Variants in FHIT observed in about 807,000 individuals in gnomAD.
FHIT encodes the protein fragile histidine triad diadenosine triphosphatase, also known as bis(5'-adenosyl)-triphosphatase.
Under a neutral mutation model 17.9 loss-of-function variants are expected in FHIT, and 19 were observed. That is an observed-to-expected ratio of 1.06 (90% CI 0.74 to 1.56). The LOEUF (loss-of-function observed/expected upper bound fraction) is 1.56. Among genes scored for constraint, FHIT ranks in the 40% most tolerant of loss-of-function variants. FHIT has a pLI of 0.00. For synonymous variants in FHIT, 81 were observed against 69.7 expected (o/e 1.16, Z -0.81); for missense variants, 248 against 189.2 (o/e 1.31, Z -1.82).
chr3:60,544,901 T>C (rs928274683), intron 4 of FHIT, among the ~76,000 whole-genome samples: 3 of 152,188 alleles, frequency 2.0e-5, no homozygotes, highest in Non-Finnish European at 4.4e-5. Context: ...TCAGCCAACT[T>C]ATCTAGTTTT....
chr3:60,365,946 G>T (rs1296309204), intron 5 of FHIT, among the ~76,000 whole-genome samples: 1 of 152,128 alleles, frequency 6.6e-6, no homozygotes, highest in East Asian at 1.9e-4. Context: ...CCTCTTTGAA[G>T]CATACTTAGT....
chr3:60,620,830 C>G (rs181139258), intron 4 of FHIT, among the ~76,000 whole-genome samples: 1 of 152,178 alleles, frequency 6.6e-6, no homozygotes, highest in Non-Finnish European at 1.5e-5. Flanking sequence ...TCAAAATTGG[C>G]TCATCAAATG....
intron 3 of FHIT, among the ~76,000 whole-genome samples, chr3:60,947,588 A>G (rs1281541924): frequency 1.3e-5 from 2 of 152,224 alleles, no homozygotes; most frequent in Non-Finnish European, 2.9e-5. Flanking sequence ...TCACAAGTCT[A>G]CAATTTGCGG....
intron 5 of FHIT, among the ~76,000 whole-genome samples, chr3:60,315,407 T>C (rs1314394947): frequency 6.6e-6 from 1 of 152,110 alleles, no homozygotes; most frequent in African/African-American, 2.4e-5. Context: ...TCCAGAAGCC[T>C]CTCTCTGACC....
intron 3 of FHIT, among the ~76,000 whole-genome samples, chr3:60,990,776 G>A (rs2030130530): frequency 6.6e-6 from 1 of 152,106 alleles, no homozygotes; most frequent in Admixed American, 6.5e-5. Context: ...TTTATTATAT[G>A]AAATTTGGAC....
chr3:60,262,781 A>T (rs1348117129), intron 5 of FHIT, among the ~76,000 whole-genome samples: 2 of 151,860 alleles, frequency 1.3e-5, no homozygotes, highest in Non-Finnish European at 2.9e-5. Context: ...TTACCTAAAG[A>T]GTTAACCAAA....
At chr3:60,428,960 T>G (rs1299635224) in intron 5 of FHIT, among the ~76,000 whole-genome samples, 1 of 152,110 alleles carries the variant, frequency 6.6e-6, no homozygotes, top group Non-Finnish European at 1.5e-5. Context: ...TTACTCTGCT[T>G]GGCCTTAAGG....
rs1397478246 is a variant in FHIT, at chr3:59,749,084, T to G, written c.*501A>C. ...ACCTTCAGATTAACAATTTTTAAAG[T>G]CTAGCTATGTCCAAATATTTCATAA... is the stretch of plus-strand genomic sequence containing the variant. On this transcript the variant is annotated 3_prime_UTR_variant, in exon 10 of 10. Transcript: ENST00000492590. Among the ~76,000 whole-genome samples, 8 of 152,122 alleles carry G rather than the reference T, an allele frequency of 5.3e-5. No individual in the cohort carries two copies. The highest frequency in any genetic ancestry group is 7.4e-5 in the Non-Finnish European group (5 of 68,014).
At chr3:60,924,560 G>A (rs1381867561) in intron 3 of FHIT, among the ~76,000 whole-genome samples, 3 of 152,084 alleles carry the variant, frequency 2.0e-5, no homozygotes, top group Non-Finnish European at 2.9e-5. Flanking sequence ...CCATCTGTAC[G>A]TCACCATCAT....
intron 4 of FHIT, among the ~76,000 whole-genome samples, chr3:60,543,923 T>TTTTTTTTC (rs2036273314): frequency 7.3e-6 from 1 of 137,398 alleles, no homozygotes; most frequent in Non-Finnish European, 1.6e-5. Context: ...TTTTTTTTTT[T>TTTTTTTTC]TTTTTTTTGT....
chr3:60,170,060 G>A (rs1701349774), intron 5 of FHIT, among the ~76,000 whole-genome samples: 1 of 152,100 alleles, frequency 6.6e-6, no homozygotes, highest in South Asian at 2.1e-4. Flanking sequence ...TCACATGATT[G>A]GAGAAGGCGC....
intron 4 of FHIT, chr3:60,730,628 A>T (rs1461994996): frequency 6.5e-6 from 1 of 153,026 alleles, no homozygotes; most frequent in African/African-American, 2.4e-5. Context: ...ACAGCAGCTC[A>T]GCGAGCGTCA....
intron 2 of FHIT, among the ~76,000 whole-genome samples, chr3:61,079,135 C>A (rs2035056098): frequency 6.6e-6 from 1 of 152,158 alleles, no homozygotes; most frequent in African/African-American, 2.4e-5. Context: ...CATAATTTAT[C>A]CTTGTGACAT....
intron 1 of FHIT, among the ~76,000 whole-genome samples, chr3:61,232,152 G>C (rs576887965): frequency 6.6e-6 from 1 of 152,340 alleles, no homozygotes. Context: ...GAGAAGCCAA[G>C]GCTGGTGGAT....
chr3:60,323,648 T>C (rs1422524664), intron 5 of FHIT, among the ~76,000 whole-genome samples: 1 of 152,250 alleles, frequency 6.6e-6, no homozygotes, highest in African/African-American at 2.4e-5. Context: ...GTGCCTCCTG[T>C]ACTATCATTC....
At chr3:60,393,408 CATATATA>C (rs1278345737) in intron 5 of FHIT, among the ~76,000 whole-genome samples, 2 of 149,260 alleles carry the variant, frequency 1.3e-5, no homozygotes, top group South Asian at 2.1e-4. Context: ...TATAATGTTA[CATATATA>C]ATATATAATT....
intron 4 of FHIT, among the ~76,000 whole-genome samples, chr3:60,569,104 T>C (rs1277250029): frequency 6.6e-6 from 1 of 152,112 alleles, no homozygotes; most frequent in African/African-American, 2.4e-5. Flanking sequence ...ATTTTCCTAT[T>C]ACAGTTTAAG....
intron 2 of FHIT, among the ~76,000 whole-genome samples, chr3:61,098,803 A>G (rs2035724095): frequency 6.6e-6 from 1 of 152,230 alleles, no homozygotes; most frequent in African/African-American, 2.4e-5. Flanking sequence ...TGGATTTTGC[A>G]TCCTGAGACT....
At chr3:60,398,668 C>A (rs571054645) in intron 5 of FHIT, among the ~76,000 whole-genome samples, 2 of 152,184 alleles carry the variant, frequency 1.3e-5, no homozygotes, top group South Asian at 2.1e-4. Flanking sequence ...TAGGGTGATA[C>A]TTAGTAAATT....
Sources: gnomAD v4.1 joint callset for allele counts (sites outside exome capture counted in the v4.1 genomes callset) on GRCh38, gnomAD v4.1.1 for gene constraint, MANE v1.5 for transcripts, NCBI Gene and HGNC (gene_info 2026-07-23, HGNC 2026-07-21) for gene names.